COP1: variants seen among roughly 807,000 people sequenced by gnomAD.
COP1 encodes COP1 E3 ubiquitin ligase, also known as E3 ubiquitin-protein ligase COP1.
A neutral mutation model predicts 101.3 loss-of-function variants in COP1; 24 were observed. The ratio of observed to expected loss-of-function variants is 0.24; its 90% confidence interval spans 0.17 to 0.33. The LOEUF is 0.33. Among genes scored for constraint, COP1 ranks in the 10% least tolerant of loss-of-function variants. COP1 has a pLI of 1.00. For synonymous variants in COP1, 347 were observed against 341.9 expected, an observed-to-expected ratio of 1.01 and a Z score of -0.17; for missense variants, 663 against 906.2, an observed-to-expected ratio of 0.73 and a Z score of 3.45.
intron 18 of COP1, among the ~76,000 whole-genome samples, chr1:175,948,973 G>A (rs1649513435): frequency 6.6e-6 from 1 of 151,584 alleles, no homozygotes; most frequent in South Asian, 2.1e-4. Context: ...GACCATCCTG[G>A]CTAATATGGT....
intron 1 of COP1, among the ~76,000 whole-genome samples, chr1:176,187,347 TATATATACAC>T (rs1486601407): frequency 6.6e-6 from 1 of 151,996 alleles, no homozygotes; most frequent in Admixed American, 6.5e-5. Context: ...TATACACACA[TATATATACAC>T]ATATATACAC....
At position 176,021,305 on chromosome 1, in the gene COP1, A is replaced by G. The variant is rs149844281; in HGVS notation, c.1729+6267T>C. On this transcript the variant is annotated intron_variant, in intron 15 of 19. Transcript: ENST00000367669. ...GCATGCCCACACCAGAAGTAAAAGC[A>G]TTAAAAAACACACTCAAAAAGTAGT... Among the ~76,000 whole-genome samples, 659 of 152,336 alleles carry G rather than the reference A, an allele frequency of 4.3e-3. 7 individuals are homozygous for G. The highest frequency in any genetic ancestry group is 0.015 in the African/African-American group (618 of 41,586).
intron 9 of COP1, among the ~76,000 whole-genome samples, chr1:176,099,967 C>T (rs1292116454): frequency 6.6e-6 from 1 of 152,136 alleles, no homozygotes. Flanking sequence ...GAGTTCCGTC[C>T]AAGCCAATCT....
intron 5 of COP1, among the ~76,000 whole-genome samples, chr1:176,151,358 AAAGAAAGAAAG>A (rs1016514916): frequency 1.3e-4 from 4 of 31,382 alleles, no homozygotes; most frequent in Non-Finnish European, 3.2e-4. Flanking sequence ...AAAGAAAAAG[AAAGAAAGAAAG>A]AAAGAAAGAA....
At chr1:176,187,429 GTA>G (rs1698614752) in intron 1 of COP1, among the ~76,000 whole-genome samples, 1 of 137,138 alleles carries the variant, frequency 7.3e-6, no homozygotes, top group Non-Finnish European at 1.6e-5. Context: ...GTGTGTGTGT[GTA>G]TAAGACAGGA....
chr1:176,039,403 A>C (rs1405783660), intron 14 of COP1, among the ~76,000 whole-genome samples: 2 of 152,136 alleles, frequency 1.3e-5, no homozygotes, highest in African/African-American at 4.8e-5. Context: ...TAGGAAAATA[A>C]GAGCAAGTTA....
At chr1:176,005,878 A>G (rs1314660610) in intron 15 of COP1, among the ~76,000 whole-genome samples, 1 of 152,082 alleles carries the variant, frequency 6.6e-6, no homozygotes, top group Non-Finnish European at 1.5e-5. Context: ...CTTGGTGCAG[A>G]GCTGAGTTCA....
rs1328267725 is a variant in COP1, at chr1:175,945,114, T to C, written c.*39A>G. On this transcript the variant is annotated 3_prime_UTR_variant, in exon 20 of 20. Coordinates refer to ENST00000367669, the MANE Select transcript of COP1 (RefSeq NM_022457.7). ...CTCTCATTGTCAGCTGCAGATGTATTTCAGCAGGATCAAGTACAATTTGAC... is the reference window on the plus strand; with the variant it reads ...CTCTCATTGTCAGCTGCAGATGTATCTCAGCAGGATCAAGTACAATTTGAC... 2 of 1,475,322 alleles carry C rather than the reference T, an allele frequency of 1.4e-6. No individual in the cohort carries two copies. The allele number at this position is 1,475,322 out of a possible 1,614,324, so 91.4% of individuals were successfully genotyped here.
chr1:176,005,865 C>T (rs1663045450), intron 15 of COP1, among the ~76,000 whole-genome samples: 1 of 152,186 alleles, frequency 6.6e-6, no homozygotes, highest in East Asian at 1.9e-4. Context: ...TCTATTAGGT[C>T]CGCTTGGTGC....
intron 5 of COP1, among the ~76,000 whole-genome samples, chr1:176,151,421 CAT>C (rs1553293072): frequency 5.0e-5 from 7 of 139,098 alleles, no homozygotes; most frequent in Non-Finnish European, 1.1e-4. Flanking sequence ...AAGAAAGAAA[CAT>C]ATTTAGAATT....
chr1:176,042,270 C>CA (rs35822380), intron 14 of COP1, among the ~76,000 whole-genome samples: 68,409 of 87,994 alleles, frequency 0.78, 27,572 homozygotes, highest in East Asian at 0.98. Context: ...AACTCTATCT[C>CA]AAAAAAAAAA....
intron 18 of COP1, among the ~76,000 whole-genome samples, chr1:175,959,984 T>G (rs1651136046): frequency 6.6e-6 from 1 of 152,200 alleles, no homozygotes; most frequent in South Asian, 2.1e-4. Flanking sequence ...ACTTGCAACT[T>G]GAGACTCCAT....
At chr1:176,047,667 A>G (rs1052653692) in intron 11 of COP1, among the ~76,000 whole-genome samples, 19 of 152,258 alleles carry the variant, frequency 1.2e-4, no homozygotes, top group African/African-American at 4.3e-4. Flanking sequence ...AAACACCTAC[A>G]TACAAAAATA....
intron 14 of COP1, among the ~76,000 whole-genome samples, chr1:176,029,988 GCCA>G (rs1224186541): frequency 6.6e-6 from 1 of 152,016 alleles, no homozygotes; most frequent in Non-Finnish European, 1.5e-5. Context: ...CTCAAACTCT[GCCA>G]CCCATCCTGG....
chr1:175,992,137 T>C lies in COP1; in HGVS notation c.1730-2658A>G, dbSNP rs113611827. ...ACACTTATGTGGAATATGAGATGTT[T>C]TGATACAGGCATGCAATGCATAATA... is the stretch of plus-strand genomic sequence containing the variant. On this transcript the variant is annotated intron_variant, in intron 15 of 19. Transcript: ENST00000367669. Among the ~76,000 whole-genome samples, 1,134 of 152,358 alleles carry C rather than the reference T, an allele frequency of 7.4e-3. 1 individual carries two copies. The highest frequency in any genetic ancestry group is 0.012 in the Non-Finnish European group (816 of 68,036).
At chr1:175,989,280 T>C in intron 16 of COP1, 82 bp downstream of exon 16, 1 of 706,810 alleles carries the variant, frequency 1.4e-6, no homozygotes, top group Non-Finnish European at 2.6e-6. Context: ...ATAGTTTACA[T>C]ACACCCTCAG....
chr1:176,185,517 T>G (rs999696145), intron 1 of COP1, among the ~76,000 whole-genome samples: 2 of 152,216 alleles, frequency 1.3e-5, no homozygotes, highest in Non-Finnish European at 2.9e-5. Context: ...ATGATATTAT[T>G]CTGGCCAGTG....
Position 175,971,601 on chromosome 1 carries a change from G to A in COP1, c.2133+15342C>T, listed in dbSNP as rs72713261. ...CAGACCTATTCTGTGTACTCCACCC[G>A]CCACTCTCCAATACCTTGCCCTATG... is the stretch of plus-strand genomic sequence containing the variant. On this transcript the variant is annotated intron_variant, in intron 18 of 19. Coordinates refer to ENST00000367669, the MANE Select transcript of COP1 (RefSeq NM_022457.7). 2.3e-3 allele frequency among the ~76,000 whole-genome samples: 355 copies of A among 152,110 alleles called. 1 individual carries two copies. Among genetic ancestry groups the A allele is most frequent in the Non-Finnish European group, 4.0e-3 (275 of 67,992 alleles).
At chr1:176,128,521 G>C (rs759815574) in intron 8 of COP1, among the ~76,000 whole-genome samples, 1 of 151,896 alleles carries the variant, frequency 6.6e-6, no homozygotes, top group Non-Finnish European at 1.5e-5. Context: ...GTACTCACAA[G>C]AATAAAACAA....
Sources: allele counts gnomAD v4.1 joint callset (sites outside exome capture counted in the v4.1 genomes callset), GRCh38; gene constraint gnomAD v4.1.1; transcripts MANE v1.5; gene names NCBI Gene and HGNC (gene_info 2026-07-23, HGNC 2026-07-21).